CHSY3: variants seen among roughly 807,000 people sequenced by gnomAD.
CHSY3 encodes N-acetylgalactosaminyl-proteoglycan 3-beta-glucuronosyltransferase 3.
CHSY3 carries 35 observed loss-of-function variants against 67.2 expected under a neutral mutation model. The observed-to-expected ratio is 0.52, with a 90% CI of 0.40 to 0.69. The LOEUF (loss-of-function observed/expected upper bound fraction) is 0.69, where lower values mean the gene tolerates loss of function less well. CHSY3 is among the 30% of genes least tolerant of loss of function. The pLI is 0.00. For missense variants in CHSY3, 1,069 were observed against 1,138.5 expected (o/e 0.94, Z 0.88); for synonymous variants, 474 against 434.7 (o/e 1.09, Z -1.12).
intron 2 of CHSY3, among the ~76,000 whole-genome samples, chr5:130,031,145 A>G (rs1764694484): frequency 6.6e-6 from 1 of 151,982 alleles, no homozygotes; most frequent in Non-Finnish European, 1.5e-5. Context: ...TGGAATTTCT[A>G]AGATAAACAG....
At chr5:129,962,830 G>T (rs1248943668) in intron 2 of CHSY3, among the ~76,000 whole-genome samples, 1 of 152,002 alleles carries the variant, frequency 6.6e-6, no homozygotes, top group African/African-American at 2.4e-5. Flanking sequence ...AGAAAGAGCA[G>T]AATTATCATC....
chr5:129,921,083 G>T (rs1229196580), intron 2 of CHSY3, among the ~76,000 whole-genome samples: 2 of 152,196 alleles, frequency 1.3e-5, no homozygotes, highest in African/African-American at 4.8e-5. Context: ...GCTTCCCAAA[G>T]TGTTAAGATT....
intron 2 of CHSY3, among the ~76,000 whole-genome samples, chr5:129,998,642 TG>T (rs1171437328): frequency 6.6e-6 from 1 of 152,156 alleles, no homozygotes; most frequent in East Asian, 1.9e-4. Flanking sequence ...TTTTTGATTT[TG>T]TCAATCTGAT....
intron 2 of CHSY3, among the ~76,000 whole-genome samples, chr5:129,949,261 T>G (rs1266092565): frequency 6.6e-6 from 1 of 151,828 alleles, no homozygotes; most frequent in Non-Finnish European, 1.5e-5. Flanking sequence ...AACAAAGAAG[T>G]TGGAAGGTAT....
intron 2 of CHSY3, among the ~76,000 whole-genome samples, chr5:130,172,547 T>A (rs911148132): frequency 1.3e-5 from 2 of 151,978 alleles, no homozygotes; most frequent in African/African-American, 4.8e-5. Context: ...CCCAGGCTGG[T>A]CTCAATATTT....
chr5:130,096,643 AT>A lies in CHSY3; in HGVS notation c.1087-87579del, dbSNP rs766016962. Among the ~76,000 whole-genome samples the A allele has an allele frequency of 4.6e-4, 70 of 152,044 alleles. 1 individual carries two copies. Among genetic ancestry groups the A allele is most frequent in the Non-Finnish European group, 9.0e-4 (61 of 67,982 alleles). On this transcript the variant is annotated intron_variant, in intron 2 of 2. Coordinates refer to ENST00000305031, the MANE Select transcript of CHSY3 (RefSeq NM_175856.5). ...TAAAGTTTTTTTTTAATTTGCTTTG[AT>A]TTTTTTCACTACCATTGGTTCTTTT...
chr5:130,110,572 A>T (rs1162879095), intron 2 of CHSY3, among the ~76,000 whole-genome samples: 1 of 152,014 alleles, frequency 6.6e-6, no homozygotes, highest in Non-Finnish European at 1.5e-5. Context: ...CCCAGACCTC[A>T]TAAGATCTGT....
intron 2 of CHSY3, among the ~76,000 whole-genome samples, chr5:130,134,508 T>G (rs1768596019): frequency 6.6e-6 from 1 of 152,186 alleles, no homozygotes; most frequent in African/African-American, 2.4e-5. Context: ...GCATTCCATA[T>G]GCATATGTTG....
intron 2 of CHSY3, among the ~76,000 whole-genome samples, chr5:130,152,452 GTAATTTTTGTAGA>G (rs1292515425): frequency 3.3e-5 from 5 of 152,158 alleles, no homozygotes; most frequent in African/African-American, 1.2e-4. Flanking sequence ...TCTTCTTCCT[GTAATTTTTGTAGA>G]TATTTTTATG....
Position 130,045,516 on chromosome 5 carries a change from G to A in CHSY3, c.1086+137156G>A, listed in dbSNP as rs1045564085. Among the ~76,000 whole-genome samples the A allele has an allele frequency of 3.3e-5, 5 of 152,062 alleles. No homozygotes were observed. The South Asian group carries it at 8.3e-4, about 25-fold the overall frequency. ...GTGAGTGTTATGATCCTGGAGGTCT[G>A]GTTGCTAGTGACACAAGGATGTGGG... On this transcript the variant is annotated intron_variant, in intron 2 of 2. Transcript: ENST00000305031.
At chr5:130,121,670 C>T (rs1290427929) in intron 2 of CHSY3, among the ~76,000 whole-genome samples, 1 of 152,086 alleles carries the variant, frequency 6.6e-6, no homozygotes, top group Non-Finnish European at 1.5e-5. Flanking sequence ...GTTTAGTATA[C>T]TTGAAACCAT....
intron 2 of CHSY3, among the ~76,000 whole-genome samples, chr5:129,927,961 AT>A (rs1761171812): frequency 6.6e-6 from 1 of 151,984 alleles, no homozygotes; most frequent in Admixed American, 6.6e-5. Context: ...AAGAATGATA[AT>A]TTTATGTGAT....
chr5:130,178,203 A>ATATATATATATATATT (rs1770116340), intron 2 of CHSY3, among the ~76,000 whole-genome samples: 1 of 110,030 alleles, frequency 9.1e-6, no homozygotes, highest in Non-Finnish European at 1.7e-5. Context: ...ATATATATTT[A>ATATATATATATATATT]TATATATATG....
At chr5:129,922,138 A>G (rs928410693) in intron 2 of CHSY3, among the ~76,000 whole-genome samples, 1 of 152,152 alleles carries the variant, frequency 6.6e-6, no homozygotes, top group African/African-American at 2.4e-5. Flanking sequence ...CTCTTGTTCT[A>G]TCCGTGTTGT....
intron 2 of CHSY3, among the ~76,000 whole-genome samples, chr5:130,040,495 C>T (rs1218935907): frequency 6.6e-6 from 1 of 152,050 alleles, no homozygotes; most frequent in African/African-American, 2.4e-5. Flanking sequence ...TTTCTTTGTC[C>T]ATATTTAATT....
intron 2 of CHSY3, chr5:130,052,316 C>G (rs376685379): frequency 6.6e-5 from 10 of 152,350 alleles, no homozygotes; most frequent in African/African-American, 2.4e-4. Context: ...GAGTTCCCCC[C>G]ACAGTGGGGG....
At chr5:129,924,459 A>G (rs1226970970) in intron 2 of CHSY3, among the ~76,000 whole-genome samples, 1 of 152,006 alleles carries the variant, frequency 6.6e-6, no homozygotes, top group Non-Finnish European at 1.5e-5. Context: ...CATCCTGGCC[A>G]ACATGATGAA....
At chr5:129,920,628 T>C (rs1581366941) in intron 2 of CHSY3, among the ~76,000 whole-genome samples, 1 of 152,304 alleles carries the variant, frequency 6.6e-6, no homozygotes, top group African/African-American at 2.4e-5. Flanking sequence ...AACACATTTC[T>C]CATTGTCTTC....
At chr5:130,060,875 TA>T (rs1765689368) in intron 2 of CHSY3, among the ~76,000 whole-genome samples, 1 of 151,894 alleles carries the variant, frequency 6.6e-6, no homozygotes, top group Non-Finnish European at 1.5e-5. Flanking sequence ...GACAGATCTC[TA>T]AAAGGAGAAC....
Sources: allele counts gnomAD v4.1 joint callset (sites outside exome capture counted in the v4.1 genomes callset), GRCh38; gene constraint gnomAD v4.1.1; transcripts MANE v1.5; gene names NCBI Gene and HGNC (gene_info 2026-07-23, HGNC 2026-07-21).